Variants in PTGS1 observed in about 807,000 individuals in gnomAD.
PTGS1 encodes the protein prostaglandin G/H synthase 1.
Under a neutral mutation model 63.0 loss-of-function variants are expected in PTGS1, and 40 were observed. The observed-to-expected ratio is 0.63, with a 90% CI of 0.49 to 0.83. The LOEUF (loss-of-function observed/expected upper bound fraction) is 0.83. PTGS1 is among the 40% of genes least tolerant of loss of function. PTGS1 has a pLI of 0.00. For synonymous variants in PTGS1, 298 were observed against 301.9 expected, an observed-to-expected ratio of 0.99 and a Z score of 0.13; for missense variants, 709 against 786.5, an observed-to-expected ratio of 0.90 and a Z score of 1.18.
intron 2 of PTGS1, among the ~76,000 whole-genome samples, chr9:122,374,730 T>C (rs1167421405): frequency 6.6e-6 from 1 of 152,160 alleles, no homozygotes; most frequent in Non-Finnish European, 1.5e-5. Flanking sequence ...TTCTGGATTT[T>C]CAAGGTTCAC....
chr9:122,381,212 T>C (rs1404108370), intron 5 of PTGS1, among the ~76,000 whole-genome samples, 159 bp from the exon 6 acceptor site: 2 of 152,166 alleles, frequency 1.3e-5, no homozygotes, highest in Non-Finnish European at 2.9e-5. Context: ...CTAGGGTCTT[T>C]TGGTAGAGAG....
At chr9:122,373,856 CTTT>C (rs35871335) in intron 2 of PTGS1, among the ~76,000 whole-genome samples, 5 of 147,294 alleles carry the variant, frequency 3.4e-5, no homozygotes, top group African/African-American at 1.2e-4. Context: ...GGTTCCCCAC[CTTT>C]TTTTTTTTTC....
rs199922778 is a variant in PTGS1, at chr9:122,395,490, T to G, written c.*2946T>G. The G allele has an allele frequency of 2.0e-5, 3 of 152,142 alleles. No homozygotes were observed. 9.4% of individuals were successfully genotyped at this position (152,142 alleles called of 1,614,324 possible). On this transcript the variant is annotated 3_prime_UTR_variant, in exon 11 of 11. Transcript: ENST00000362012. ...TCAGTTGACTTTAAGTGAAAGAGAT[T>G]ACTTAAATAATTTGGGTGAGCTGCA...
chr9:122,372,801 T>C (rs1191664007), intron 2 of PTGS1: 1 of 152,092 alleles, frequency 6.6e-6, no homozygotes, highest in Non-Finnish European at 1.5e-5. Context: ...TCCTTTTGTA[T>C]AATAAATGTT....
In PTGS1 at chr9:122,377,888, C is replaced by G; in HGVS notation, c.95-11C>G. 6.2e-7 allele frequency: 1 copy of G among 1,612,726 alleles called. No homozygotes were observed. Among genetic ancestry groups the G allele is most frequent in the Non-Finnish European group, 8.5e-7 (1 of 1,178,840 alleles). ...CTAGCATGGTCTCTGACCTCCATTT[C>G]TCACCCACAGTGAATCCCTGTTGTT... On this transcript the variant is annotated splice_polypyrimidine_tract_variant and intron_variant, in intron 2 of 10. Transcript: ENST00000362012.
chr9:122,378,149 C>T (rs112275724), intron 3 of PTGS1, 134 bp downstream of exon 3: 25 of 949,378 alleles, frequency 2.6e-5, no homozygotes, highest in African/African-American at 2.0e-4. Flanking sequence ...GGTTCTGCCC[C>T]TCTCCCTGAC....
At chr9:122,375,806 G>A (rs1220652086) in intron 2 of PTGS1, among the ~76,000 whole-genome samples, 1 of 152,138 alleles carries the variant, frequency 6.6e-6, no homozygotes, top group Non-Finnish European at 1.5e-5. Context: ...GGGAGGGGCT[G>A]GCGCAGAATG....
intron 5 of PTGS1, among the ~76,000 whole-genome samples, chr9:122,379,404 A>G (rs1051697670): frequency 6.6e-6 from 1 of 152,128 alleles, no homozygotes; most frequent in African/African-American, 2.4e-5. Flanking sequence ...GCCACCTGTA[A>G]TTATCCAAAA....
chr9:122,381,368 C>T lies in PTGS1; in HGVS notation c.497-3C>T. On this transcript the variant is annotated splice_polypyrimidine_tract_variant and splice_region_variant and intron_variant, in intron 5 of 10. Transcript: ENST00000362012. ...CTACTGCTGTTTCCTACCCCCCAAC[C>T]AGGGAAGAAGCAGTTGCCAGATGCC... 6.2e-7 allele frequency: 1 copy of T among 1,613,684 alleles called. No homozygotes were observed. Among genetic ancestry groups the T allele is most frequent in the East Asian group, 2.2e-5 (1 of 44,852 alleles).
rs1164513151 is a variant in PTGS1, at chr9:122,392,756, A to C, written c.*212A>C. On this transcript the variant is annotated 3_prime_UTR_variant, in exon 11 of 11. Coordinates refer to ENST00000362012, the MANE Select transcript of PTGS1 (RefSeq NM_000962.4). ...GCTGAACTCCTTGTTAGCCCTTCAG[A>C]TTGTTAGGAGTGGTTCTCATTTGGT... 9 of 531,786 alleles carry C rather than the reference A, an allele frequency of 1.7e-5. No individual in the cohort carries two copies. In the East Asian group the frequency reaches 2.6e-4, roughly 16 times the overall value. 32.9% of individuals were successfully genotyped at this position (531,786 alleles called of 1,614,324 possible).
chr9:122,390,151 C>G (rs200744819), intron 9 of PTGS1, 47 bp from the exon 10 acceptor site: 27 of 1,591,478 alleles, frequency 1.7e-5, no homozygotes, highest in Non-Finnish European at 2.3e-5. Context: ...GGCTCCAGGA[C>G]AGCCTGGCCT....
At chr9:122,378,722 G>C in intron 4 of PTGS1, 53 bp from the exon 5 acceptor site, 1 of 1,609,664 alleles carries the variant, frequency 6.2e-7, no homozygotes. Context: ...CAAGAACTGG[G>C]ATGGAGCTGG....
chr9:122,384,698 G>A (rs1362197447), intron 8 of PTGS1, among the ~76,000 whole-genome samples: 5 of 152,154 alleles, frequency 3.3e-5, no homozygotes, highest in African/African-American at 4.8e-5. Flanking sequence ...GAGACTTGAG[G>A]TCTGGTTGCC....
rs1425553917 is a variant in PTGS1, at chr9:122,383,753, T to C, written c.1007T>C (p.Ile336Thr). The C allele has an allele frequency of 1.9e-6, 3 of 1,609,152 alleles. No individual in the cohort carries two copies. The highest frequency in any genetic ancestry group is 1.1e-5 in the South Asian group (1 of 91,058). Reference protein sequence around the residue: ...QLFQTTRLILIGETIKIVIEE... With the variant: ...QLFQTTRLILTGETIKIVIEE... Reference sequence around the variant, plus strand: ...TTCCAGACGACCCGCCTCATCCTCATAGGTGAGGACTCCAGACCTGCCCTG... The same window carrying C: ...TTCCAGACGACCCGCCTCATCCTCACAGGTGAGGACTCCAGACCTGCCCTG... The change falls in exon 8 of 11, where the codon ATA (isoleucine) becomes ACA (threonine). Residue 336 changes from isoleucine (I) to threonine (T), a missense_variant and splice_region_variant. Coordinates refer to ENST00000362012, the MANE Select transcript of PTGS1 (RefSeq NM_000962.4).
rs757213251 is a variant in PTGS1 at position 122,386,554 on chromosome 9, G to T, written c.1118G>T (p.Arg373Leu). Residue 373 changes from arginine to leucine, a missense_variant, in exon 9 of 11, where the codon CGC becomes CTC. Arg to Leu is a moderately radical substitution (Grantham distance 102). Coordinates refer to ENST00000362012, the MANE Select transcript of PTGS1 (RefSeq NM_000962.4). Reference protein sequence around the residue: ...ELLFGVQFQYRNRIAMEFNHL... With the variant: ...ELLFGVQFQYLNRIAMEFNHL... ...CTGTTCGGTGTCCAGTTCCAATACC[G>T]CAACCGCATTGCCATGGAGTTCAAC... 10 of 1,614,030 alleles carry T rather than the reference G, an allele frequency of 6.2e-6. No homozygotes were observed. In the South Asian group the frequency reaches 9.9e-5, roughly 16 times the overall value.
chr9:122,392,358 C>G lies in PTGS1; in HGVS notation c.1614C>G (p.Ile538Met), dbSNP rs1401653841. The G allele has an allele frequency of 6.2e-7, 1 of 1,614,220 alleles. No individual in the cohort carries two copies. Among genetic ancestry groups the G allele is most frequent in the East Asian group, 2.2e-5 (1 of 44,892 alleles). ...FSLKGLLGNP[I>M]CSPEYWKPST... ...TCAAGGGTCTCCTAGGGAATCCCAT[C>G]TGTTCTCCGGAGTACTGGAAGCCGA... is the stretch of plus-strand genomic sequence containing the variant. Residue 538 changes from isoleucine to methionine, a missense_variant, in exon 11 of 11, where the codon ATC (isoleucine) becomes ATG (methionine). By Grantham distance (10) the Ile-to-Met change is conservative. Transcript: ENST00000362012.
At chr9:122,381,845 G>T in intron 7 of PTGS1, 98 bp downstream of exon 7, 1 of 1,286,112 alleles carries the variant, frequency 7.8e-7, no homozygotes, top group Non-Finnish European at 1.1e-6. Flanking sequence ...TGTCCTGAGA[G>T]GGCCAACCAC....
upstream of PTGS1, chr9:122,370,915 G>A: frequency 8.9e-7 from 1 of 1,119,620 alleles, no homozygotes; most frequent in Non-Finnish European, 1.3e-6. Context: ...AAATGCCTTG[G>A]CCGGGGCTGG....
rs766125245 is a variant in PTGS1 at position 122,383,598 on chromosome 9, G to T, written c.852G>T (p.Met284Ile). The change falls in exon 8 of 11, where the codon ATG (methionine) becomes ATT (isoleucine). Residue 284 changes from methionine to isoleucine, a missense_variant. Met to Ile is a conservative substitution (Grantham distance 10). Transcript: ENST00000362012. ...YPRGIPPQSQ[M>I]AVGQEVFGLL... ...GAGGCATCCCGCCCCAGAGCCAGAT[G>T]GCTGTGGGCCAGGAGGTGTTTGGGC... is the stretch of plus-strand genomic sequence containing the variant. 6.2e-7 allele frequency: 1 copy of T among 1,614,204 alleles called. No individual in the cohort carries two copies. Among genetic ancestry groups the T allele is most frequent in the Non-Finnish European group, 8.5e-7 (1 of 1,180,018 alleles).
Sources: gnomAD v4.1 joint callset for allele counts (sites outside exome capture counted in the v4.1 genomes callset) on GRCh38, gnomAD v4.1.1 for gene constraint, MANE v1.5 for transcripts, NCBI Gene and HGNC (gene_info 2026-07-23, HGNC 2026-07-21) for gene names.